The following SPATA16 variants were observed in gnomAD, a reference collection of about 807,000 sequenced individuals.
SPATA16 encodes the protein spermatogenesis associated 16, also known as spermatogenesis-associated protein 16.
SPATA16 carries 36 observed loss-of-function variants against 63.3 expected under a neutral mutation model. That is an observed-to-expected ratio of 0.57 (90% CI 0.44 to 0.75). The LOEUF is 0.75. SPATA16 is among the 30% of genes least tolerant of loss of function. The pLI, the probability that SPATA16 is intolerant of heterozygous loss-of-function variation, is 0.00. For synonymous variants in SPATA16, 203 were observed against 216.7 expected (o/e 0.94, Z 0.56); for missense variants, 646 against 679.3 (o/e 0.95, Z 0.54).
intron 1 of SPATA16, among the ~76,000 whole-genome samples, chr3:173,136,614 T>G (rs1417315473): frequency 6.6e-6 from 1 of 152,186 alleles, no homozygotes; most frequent in East Asian, 1.9e-4. Flanking sequence ...TTCTAACTAG[T>G]TTTTCATACT....
rs969275199 is a variant in SPATA16, at chr3:172,901,236, A to G, written c.1588-11544T>C. Among the ~76,000 whole-genome samples the G allele has an allele frequency of 4.0e-5, 6 of 151,488 alleles. No homozygotes were observed. In the South Asian group the frequency reaches 6.2e-4, roughly 16 times the overall value. On this transcript the variant is annotated intron_variant, in intron 10 of 10. Transcript: ENST00000351008. Reference sequence around the variant, plus strand: ...TTTTTTGAGACAAGAGTCTCACTCTATTGCCCAGGCTGGAGTGCAATCGCA... The same window carrying G: ...TTTTTTGAGACAAGAGTCTCACTCTGTTGCCCAGGCTGGAGTGCAATCGCA...
intron 2 of SPATA16, among the ~76,000 whole-genome samples, chr3:173,072,170 C>T (rs770490305): frequency 6.6e-5 from 10 of 152,098 alleles, no homozygotes; most frequent in Non-Finnish European, 1.2e-4. Context: ...ACCTAGGTGC[C>T]CATAAACAGA....
At chr3:172,976,089 G>T (rs1427978803) in intron 5 of SPATA16, among the ~76,000 whole-genome samples, 1 of 152,184 alleles carries the variant, frequency 6.6e-6, no homozygotes, top group East Asian at 1.9e-4. Context: ...ACACAGTCTG[G>T]AGAAGAGAAA....
intron 3 of SPATA16, among the ~76,000 whole-genome samples, chr3:173,034,465 A>G (rs1242946568): frequency 2.0e-5 from 3 of 152,170 alleles, no homozygotes; most frequent in Admixed American, 1.3e-4. Flanking sequence ...ACTCATATTA[A>G]CATCATAATT....
intron 1 of SPATA16, among the ~76,000 whole-genome samples, chr3:173,132,187 T>C (rs1738404603): frequency 6.6e-6 from 1 of 152,124 alleles, no homozygotes; most frequent in African/African-American, 2.4e-5. Context: ...AATGAACTCA[T>C]TAGATGGATT....
rs74844037 is a variant in SPATA16 at position 173,029,947 on chromosome 3, G to A, written c.759-10372C>T. ...TTGTTCAGATGTGTAAGACCTATTT[G>A]TTACATTCATGCCATTAATAAATTT... On this transcript the variant is annotated intron_variant, in intron 3 of 10. Transcript: ENST00000351008. Among the ~76,000 whole-genome samples, 3 of 152,064 alleles carry A rather than the reference G, an allele frequency of 2.0e-5. No homozygotes were observed. In the East Asian group the frequency reaches 5.8e-4, roughly 29 times the overall value.
intron 2 of SPATA16, among the ~76,000 whole-genome samples, chr3:173,110,298 A>G (rs1417898242): frequency 6.6e-6 from 1 of 152,194 alleles, no homozygotes; most frequent in African/African-American, 2.4e-5. Flanking sequence ...TTTGTGCGAG[A>G]GGCAGTTAGT....
At chr3:173,117,783 C>G in intron 1 of SPATA16, 34 bp from the exon 2 acceptor site, 2 of 1,613,400 alleles carry the variant, frequency 1.2e-6, no homozygotes, top group Non-Finnish European at 1.7e-6. Flanking sequence ...GTAATTAAGG[C>G]AATATTTTGA....
chr3:172,890,905 C>A (rs78891126), intron 10 of SPATA16, among the ~76,000 whole-genome samples: 14,435 of 144,864 alleles, frequency 0.1, 777 homozygotes, highest in African/African-American at 0.14. Context: ...TTGACAGAAT[C>A]TTTTTGGATT....
chr3:172,906,752 T>G (rs1416204131), intron 10 of SPATA16, among the ~76,000 whole-genome samples: 1 of 152,176 alleles, frequency 6.6e-6, no homozygotes, highest in Non-Finnish European at 1.5e-5. Context: ...TTTTTATTTT[T>G]TATTTTTGAG....
At chr3:173,063,596 G>A (rs1393753839) in intron 2 of SPATA16, among the ~76,000 whole-genome samples, 3 of 152,154 alleles carry the variant, frequency 2.0e-5, no homozygotes, top group African/African-American at 7.2e-5. Flanking sequence ...CTGAACAGTA[G>A]TAAGACAAAA....
chr3:173,075,620 G>A (rs1736783033), intron 2 of SPATA16, among the ~76,000 whole-genome samples: 1 of 152,176 alleles, frequency 6.6e-6, no homozygotes. Flanking sequence ...GTCACTTGCA[G>A]TAACAGGGAT....
Position 173,019,585 on chromosome 3 carries a change from G to C in SPATA16, c.759-10C>G. On this transcript the variant is annotated splice_polypyrimidine_tract_variant and intron_variant, in intron 3 of 10. Transcript: ENST00000351008. ...GTTTAAAACAATGCTCCTGTAAAAA[G>C]GTAAAAGAAATGCAAATGTTATTTG... is the stretch of plus-strand genomic sequence containing the variant. 1 of 1,612,618 alleles carries C rather than the reference G, an allele frequency of 6.2e-7. No homozygotes were observed. The highest frequency in any genetic ancestry group is 8.5e-7 in the Non-Finnish European group (1 of 1,178,946).
At chr3:172,904,618 TG>T (rs1321295894) in intron 10 of SPATA16, among the ~76,000 whole-genome samples, 1 of 152,180 alleles carries the variant, frequency 6.6e-6, no homozygotes, top group African/African-American at 2.4e-5. Flanking sequence ...AGGTGCAAAG[TG>T]GGTGATTAGC....
chr3:172,946,256 GGATTCAGATGT>G (rs1733284582), intron 6 of SPATA16, among the ~76,000 whole-genome samples: 1 of 152,192 alleles, frequency 6.6e-6, no homozygotes, highest in African/African-American at 2.4e-5. Context: ...GGCCTATACT[GGATTCAGATGT>G]GGCCACATTC....
At chr3:172,972,186 A>G (rs1734060872) in intron 5 of SPATA16, among the ~76,000 whole-genome samples, 1 of 152,190 alleles carries the variant, frequency 6.6e-6, no homozygotes, top group African/African-American at 2.4e-5. Flanking sequence ...TTGGATGGGA[A>G]GTCTTGGTGT....
chr3:173,001,377 G>C (rs1734824875), intron 4 of SPATA16, among the ~76,000 whole-genome samples: 1 of 151,688 alleles, frequency 6.6e-6, no homozygotes, highest in African/African-American at 2.4e-5. Context: ...AACCACAGCA[G>C]GCTAGGCTCT....
intron 2 of SPATA16, among the ~76,000 whole-genome samples, chr3:173,061,218 G>A (rs777591678): frequency 1.3e-5 from 2 of 152,106 alleles, no homozygotes; most frequent in Admixed American, 6.6e-5. Context: ...ACATTTGTAC[G>A]TGGATATACA....
chr3:172,978,227 A>G (rs1734214859), intron 4 of SPATA16, among the ~76,000 whole-genome samples: 1 of 151,972 alleles, frequency 6.6e-6, no homozygotes, highest in African/African-American at 2.4e-5. Flanking sequence ...AAAATAAATG[A>G]CAGTAATTTA....
Sources: gnomAD v4.1 joint callset for allele counts (sites outside exome capture counted in the v4.1 genomes callset) on GRCh38, gnomAD v4.1.1 for gene constraint, MANE v1.5 for transcripts, NCBI Gene and HGNC (gene_info 2026-07-23, HGNC 2026-07-21) for gene names.